SGCD: variants seen among roughly 807,000 people sequenced by gnomAD.
SGCD encodes the protein sarcoglycan delta, also known as delta-sarcoglycan.
SGCD carries 18 observed loss-of-function variants against 36.6 expected under a neutral mutation model. That is an observed-to-expected ratio of 0.49 (90% CI 0.34 to 0.73). SGCD has a LOEUF of 0.73. SGCD is among the 30% of genes least tolerant of loss of function. SGCD has a pLI of 0.01. For missense variants in SGCD, 387 were observed against 346.7 expected (o/e 1.12, Z -0.92); for synonymous variants, 133 against 130.6 (o/e 1.02, Z -0.12).
chr5:156,229,277 C>CACATATATATATATATAT (rs1554085595), intron 3 of SGCD, among the ~76,000 whole-genome samples: 900 of 56,436 alleles, frequency 0.016, 68 homozygotes, highest in Admixed American at 0.089. Flanking sequence ...TATATACATA[C>CACATATATATATATATAT]ATATATATAT....
At chr5:156,710,873 G>A (rs1265526405) in intron 7 of SGCD, among the ~76,000 whole-genome samples, 1 of 152,140 alleles carries the variant, frequency 6.6e-6, no homozygotes, top group Non-Finnish European at 1.5e-5. Context: ...GACCTGGAAA[G>A]GGAAGAAGAT....
intron 1 of SGCD, among the ~76,000 whole-genome samples, chr5:155,957,036 A>G (rs909386992): frequency 3.3e-5 from 5 of 152,166 alleles, no homozygotes; most frequent in Admixed American, 2.0e-4. Flanking sequence ...AAATAGATCA[A>G]TAAAGGTGAC....
chr5:156,372,166 A>G (rs539859188), intron 3 of SGCD, among the ~76,000 whole-genome samples: 5 of 152,232 alleles, frequency 3.3e-5, no homozygotes, highest in Non-Finnish European at 5.9e-5. Context: ...CAGCTAGTTA[A>G]TTGTGTGAAA....
At chr5:156,085,458 C>A (rs2127592660) in intron 1 of SGCD, among the ~76,000 whole-genome samples, 1 of 152,218 alleles carries the variant, frequency 6.6e-6, no homozygotes, top group East Asian at 1.9e-4. Flanking sequence ...GTGCCTGCTC[C>A]CACTCTGCTT....
chr5:156,072,863 C>T (rs533603273), intron 1 of SGCD, among the ~76,000 whole-genome samples: 32 of 152,262 alleles, frequency 2.1e-4, no homozygotes, highest in East Asian at 9.7e-4. Flanking sequence ...CTTCCCTTCT[C>T]GCTTCATTTC....
At chr5:155,816,834 G>A in the SGCD span, among the ~76,000 whole-genome samples, 7 of 152,078 alleles carry the variant, frequency 4.6e-5, no homozygotes, top group Non-Finnish European at 1.0e-4. Flanking sequence ...TGACTAAATG[G>A]CTGCTAAAAA....
At chr5:156,093,661 C>G (rs1199063071) in intron 1 of SGCD, among the ~76,000 whole-genome samples, 1 of 152,184 alleles carries the variant, frequency 6.6e-6, no homozygotes, top group Non-Finnish European at 1.5e-5. Context: ...GTGCGTGGAG[C>G]AACTCCAGCA....
At chr5:156,244,460 C>T (rs1039713555) in intron 3 of SGCD, among the ~76,000 whole-genome samples, 27 of 152,140 alleles carry the variant, frequency 1.8e-4, no homozygotes, top group African/African-American at 6.5e-4. Context: ...ACAGGATGTC[C>T]TTATGTAACA....
At chr5:155,983,623 T>G (rs1239655168) in intron 1 of SGCD, among the ~76,000 whole-genome samples, 1 of 152,168 alleles carries the variant, frequency 6.6e-6, no homozygotes, top group Non-Finnish European at 1.5e-5. Flanking sequence ...TATGTGAAAC[T>G]CCTTAGCTGG....
intron 3 of SGCD, among the ~76,000 whole-genome samples, chr5:156,351,441 G>C (rs774593396): frequency 6.6e-6 from 1 of 152,022 alleles, no homozygotes; most frequent in Non-Finnish European, 1.5e-5. Context: ...CTTACTATGT[G>C]ATTTTTGATA....
intron 3 of SGCD, among the ~76,000 whole-genome samples, chr5:156,223,533 T>A (rs1764772598): frequency 6.6e-6 from 1 of 152,046 alleles, no homozygotes; most frequent in African/African-American, 2.4e-5. Flanking sequence ...GTGTAGAAGT[T>A]GTTAGGGCAA....
intron 7 of SGCD, among the ~76,000 whole-genome samples, chr5:156,673,920 T>A (rs1388299129): frequency 1.3e-5 from 2 of 152,206 alleles, no homozygotes. Flanking sequence ...CTGATTAAAG[T>A]GTTGACACCT....
At chr5:155,859,701 C>G in the SGCD span, among the ~76,000 whole-genome samples, 12 of 152,276 alleles carry the variant, frequency 7.9e-5, 1 homozygote, top group East Asian at 2.3e-3. Flanking sequence ...GGATGCATAG[C>G]ATTCCATTGT....
At chr5:156,562,931 T>A (rs898553779) in intron 4 of SGCD, among the ~76,000 whole-genome samples, 2 of 152,032 alleles carry the variant, frequency 1.3e-5, no homozygotes, top group African/African-American at 4.8e-5. Context: ...ATTTACCTAA[T>A]TAAATTAAGA....
chr5:155,987,861 T>C (rs754266867), intron 1 of SGCD, among the ~76,000 whole-genome samples: 6 of 152,168 alleles, frequency 3.9e-5, no homozygotes, highest in African/African-American at 7.2e-5. Flanking sequence ...CCTTCCCTCA[T>C]TGACATTTAA....
At chr5:156,152,310 T>C (rs1762852095) in intron 3 of SGCD, among the ~76,000 whole-genome samples, 1 of 151,662 alleles carries the variant, frequency 6.6e-6, no homozygotes, top group South Asian at 2.1e-4. Context: ...TATTGTTTAC[T>C]GAAGACATCG....
chr5:155,959,455 T>C (rs1012997452), intron 1 of SGCD, among the ~76,000 whole-genome samples: 4 of 152,084 alleles, frequency 2.6e-5, no homozygotes, highest in African/African-American at 7.2e-5. Flanking sequence ...GGGATCTGAG[T>C]AGTAGCTTCT....
At chr5:155,944,623 A>C (rs1243818913) in intron 1 of SGCD, among the ~76,000 whole-genome samples, 1 of 152,174 alleles carries the variant, frequency 6.6e-6, no homozygotes, top group Admixed American at 6.5e-5. Flanking sequence ...TGTTCAACAA[A>C]TATGTATTGA....
At chr5:156,364,824 A>G (rs983100580) in intron 3 of SGCD, among the ~76,000 whole-genome samples, 1 of 152,188 alleles carries the variant, frequency 6.6e-6, no homozygotes, top group African/African-American at 2.4e-5. Context: ...TTTCCAAATA[A>G]GTATCTTTGC....
Sources: allele counts gnomAD v4.1 joint callset (sites outside exome capture counted in the v4.1 genomes callset), GRCh38; gene constraint gnomAD v4.1.1; transcripts MANE v1.5; gene names NCBI Gene and HGNC (gene_info 2026-07-23, HGNC 2026-07-21).